Variants in DNAH2 observed in about 807,000 individuals in gnomAD.
The protein encoded by DNAH2 is axonemal beta dynein heavy chain 2.
DNAH2 carries 323 observed loss-of-function variants against 523.5 expected under a neutral mutation model. The observed-to-expected ratio is 0.62, with a 90% CI of 0.56 to 0.68. DNAH2 has a LOEUF of 0.68. Among genes scored for constraint, DNAH2 ranks in the 30% least tolerant of loss-of-function variants. The probability of loss-of-function intolerance (pLI) is 0.00; values close to 1 mark genes in which losing one functional copy is unlikely to be tolerated. For synonymous variants in DNAH2, 2,093 were observed against 2,177.4 expected (o/e 0.96, Z 1.08); for missense variants, 4,907 against 5,701.5 (o/e 0.86, Z 4.49).
rs780686310 is a variant in DNAH2, at chr17:7,788,116, G to A, written c.6772G>A (p.Glu2258Lys). ...GGTGGAGCCCCTTCAACGCATGTTCGAAAAGCTCATCAACAAGATGCTGGC... is the reference window on the plus strand; with the variant it reads ...GGTGGAGCCCCTTCAACGCATGTTCAAAAAGCTCATCAACAAGATGCTGGC... ...AEVEPLQRMF[E>K]KLINKMLAFK... The change falls in exon 44 of 86, where the codon GAA becomes AAA. Residue 2258 changes from glutamate (E) to lysine (K), a missense_variant. Coordinates refer to ENST00000572933, the MANE Select transcript of DNAH2 (RefSeq NM_020877.5). 19 of 1,614,104 alleles carry A rather than the reference G, an allele frequency of 1.2e-5. No homozygotes were observed. The highest frequency in any genetic ancestry group is 1.6e-4 in the Middle Eastern group (1 of 6,082).
rs1008035664 is a variant in DNAH2, at chr17:7,757,003, T to C, written c.1905-88T>C. 22 of 1,565,364 alleles carry C rather than the reference T, an allele frequency of 1.4e-5. No homozygotes were observed. In the Admixed American group the frequency reaches 3.8e-4, roughly 27 times the overall value. ...CATTTCTCATCTCGACATTTCCCTG[T>C]GCTTCCCAGCCTCTCCACCTGTTCG... is the stretch of plus-strand genomic sequence containing the variant. On this transcript the variant is annotated intron_variant, in intron 12 of 85. Transcript: ENST00000572933.
Position 7,780,910 on chromosome 17 carries a change from CGT to C in DNAH2, c.6004-129_6004-128del. 6.3e-7 allele frequency: 1 copy of C among 1,578,638 alleles called. No homozygotes were observed. The highest frequency in any genetic ancestry group is 8.6e-7 in the Non-Finnish European group (1 of 1,158,470). ...TCACCTTCCCACCTCGTCCCATCCC[CGT>C]GTTGCCCGCTGCTTTGCTAATGGCT... On this transcript the variant is annotated intron_variant, in intron 38 of 85. Coordinates refer to ENST00000572933, the MANE Select transcript of DNAH2 (RefSeq NM_020877.5). The surrounding 1 kb of genome is among the most constrained non-coding windows in gnomAD (Gnocchi z 4.4).
At chr17:7,824,820 T>C (rs540886566) in intron 77 of DNAH2, 93 bp downstream of exon 77, 3 of 1,132,646 alleles carry the variant, frequency 2.6e-6, no homozygotes, top group Non-Finnish European at 3.6e-6. Flanking sequence ...AACAACAACA[T>C]GATTTGATTG....
At chr17:7,822,018 G>A (rs970738716) in intron 73 of DNAH2, among the ~76,000 whole-genome samples, 2 of 152,112 alleles carry the variant, frequency 1.3e-5, no homozygotes, top group African/African-American at 4.8e-5. Flanking sequence ...CACTGTGGCT[G>A]GACCGCAGTG....
intron 63 of DNAH2, among the ~76,000 whole-genome samples, chr17:7,816,332 A>G (rs1171318583): frequency 6.6e-6 from 1 of 152,180 alleles, no homozygotes; most frequent in Admixed American, 6.5e-5. Flanking sequence ...GGCTCTAGGA[A>G]AGGGTGGTGG....
Position 7,754,931 on chromosome 17 carries a change from C to T in DNAH2, c.1905-2160C>T, listed in dbSNP as rs1307307240. On this transcript the variant is annotated intron_variant, in intron 12 of 85. Coordinates refer to ENST00000572933, the MANE Select transcript of DNAH2 (RefSeq NM_020877.5). The surrounding 1 kb of genome is among the most constrained non-coding windows in gnomAD (Gnocchi z 4.6). ...GCTGCCGTCTGCATGGGGCTGGGGTCCTCCTGCGCTATTGGTACAAATAAG... is the reference window on the plus strand; with the variant it reads ...GCTGCCGTCTGCATGGGGCTGGGGTTCTCCTGCGCTATTGGTACAAATAAG... 4.0e-6 allele frequency: 2 copies of T among 495,718 alleles called. No homozygotes were observed. The highest frequency in any genetic ancestry group is 1.9e-5 in the African/African-American group (1 of 51,914). The allele number at this position is 495,718 out of a possible 1,614,324, so 30.7% of individuals were successfully genotyped here.
intron 44 of DNAH2, among the ~76,000 whole-genome samples, 197 bp from the exon 45 acceptor site, chr17:7,791,720 C>T (rs1194485182): frequency 6.6e-6 from 1 of 152,136 alleles, no homozygotes; most frequent in African/African-American, 2.4e-5. Flanking sequence ...AACTGCTGAG[C>T]TATAAGAAAT....
chr17:7,826,791 C>T (rs757633855), intron 77 of DNAH2, among the ~76,000 whole-genome samples: 69 of 151,836 alleles, frequency 4.5e-4, no homozygotes, highest in Non-Finnish European at 1.6e-4. Context: ...TGCCTACTCT[C>T]GGCCTCCCAA....
rs747212103 is a variant in DNAH2, at chr17:7,741,007, T to C, written c.1689+15T>C. 10 of 1,584,212 alleles carry C rather than the reference T, an allele frequency of 6.3e-6. No homozygotes were observed. The highest frequency in any genetic ancestry group is 2.2e-5 in the South Asian group (2 of 89,500). On this transcript the variant is annotated intron_variant, in intron 11 of 85. Coordinates refer to ENST00000572933, the MANE Select transcript of DNAH2 (RefSeq NM_020877.5). Reference sequence around the variant, plus strand: ...GAGTCATGACCGTAAGTGCCTGGCCTTCTCCATATTCTGTCGTCAGTGAGA... The same window carrying C: ...GAGTCATGACCGTAAGTGCCTGGCCCTCTCCATATTCTGTCGTCAGTGAGA...
At chr17:7,791,065 GTTTTTTGTTTTT>G (rs1597668867) in intron 44 of DNAH2, among the ~76,000 whole-genome samples, 1 of 151,206 alleles carries the variant, frequency 6.6e-6, no homozygotes, top group Non-Finnish European at 1.5e-5. Flanking sequence ...TAGAAAATAT[GTTTTTTGTTTTT>G]TTTTTTGTTT....
At chr17:7,816,761 T>C (rs371239199) in intron 64 of DNAH2, 26 bp downstream of exon 64, 4 of 1,607,690 alleles carry the variant, frequency 2.5e-6, no homozygotes, top group African/African-American at 2.7e-5. Flanking sequence ...CTACCTGGTG[T>C]CCTTTCACTC....
intron 78 of DNAH2, 47 bp downstream of exon 78, chr17:7,830,538 G>A (rs764641356): frequency 5.0e-6 from 8 of 1,607,320 alleles, no homozygotes; most frequent in South Asian, 2.2e-5. Context: ...CTCCTTACAC[G>A]TCCTACCCCA....
At position 7,830,842 on chromosome 17, in the gene DNAH2, G is replaced by A. The variant is rs868704231; in HGVS notation, c.12230G>A (p.Arg4077Gln). The A allele has an allele frequency of 4.3e-6, 7 of 1,613,792 alleles. No individual in the cohort carries two copies. Among genetic ancestry groups the A allele is most frequent in the African/African-American group, 1.3e-5 (1 of 74,922 alleles). ...CAGTCTCTATCAACTCCCTTCCACC[G>A]GTGAGGGGGAGGTGGCCCTGGACAG... ...CDQSLSTPFH[R>Q]LSALETYFIP... The change falls in exon 79 of 86, where the codon CGG becomes CAG. Residue 4077 changes from arginine to glutamine, a missense_variant and splice_region_variant. Arg to Gln is a conservative substitution (Grantham distance 43). Transcript: ENST00000572933.
At chr17:7,739,098 G>A in intron 8 of DNAH2, 1 of 674,606 alleles carries the variant, frequency 1.5e-6, no homozygotes. Flanking sequence ...AGGGCAAACG[G>A]GGCAGAGGCT....
chr17:7,741,081 T>C, intron 11 of DNAH2, 89 bp downstream of exon 11: 2 of 1,480,182 alleles, frequency 1.4e-6, no homozygotes, highest in Admixed American at 4.1e-5. Context: ...CCAAAGAGTC[T>C]TCAGGACCAG....
chr17:7,786,390 A>G lies in DNAH2; in HGVS notation c.6348+48A>G, dbSNP rs201018979. On this transcript the variant is annotated intron_variant, in intron 40 of 85. Coordinates refer to ENST00000572933, the MANE Select transcript of DNAH2 (RefSeq NM_020877.5). This position sits in a 1 kb window ranked among gnomAD's most constrained non-coding sequence, Gnocchi z 7.5. ...TCAGTGGGCAGAGACTTGAGTAGTA[A>G]GAAGACAATGGAGGGTGGGGGCCAG... 2 of 1,586,214 alleles carry G rather than the reference A, an allele frequency of 1.3e-6. No homozygotes were observed. Among genetic ancestry groups the G allele is most frequent in the Non-Finnish European group, 1.7e-6 (2 of 1,167,262 alleles).
chr17:7,805,384 A>G lies in DNAH2; in HGVS notation c.9433A>G (p.Arg3145Gly). The G allele has an allele frequency of 1.2e-6, 2 of 1,614,242 alleles. No individual in the cohort carries two copies. The highest frequency in any genetic ancestry group is 1.7e-6 in the Non-Finnish European group (2 of 1,180,042). The change falls in exon 61 of 86, where the codon AGG (arginine) becomes GGG (glycine). Residue 3145 changes from arginine (R) to glycine (G), a missense_variant. Transcript: ENST00000572933. ...GNEPTWAEAKRQLGEQNFIKS... is the reference protein window; with the variant it reads ...GNEPTWAEAKGQLGEQNFIKS... ...CGAGCCCACATGGGCAGAGGCCAAG[A>G]GGCAGCTAGGTAAGCTAGAGACAAT...
chr17:7,813,753 C>A (rs889203708), intron 63 of DNAH2, among the ~76,000 whole-genome samples: 6 of 151,818 alleles, frequency 4.0e-5, no homozygotes, highest in African/African-American at 1.5e-4. Context: ...ACTAGAAATA[C>A]AAAAATTAGC....
intron 11 of DNAH2, among the ~76,000 whole-genome samples, chr17:7,742,451 T>C (rs928719729): frequency 9.2e-5 from 14 of 151,990 alleles, no homozygotes. Flanking sequence ...AACAAACAAA[T>C]GAACACACAC....
Sources: gnomAD v4.1 joint callset for allele counts (sites outside exome capture counted in the v4.1 genomes callset) on GRCh38, gnomAD v4.1.1 for gene constraint, Gnocchi (gnomAD v3.1) non-coding constraint, MANE v1.5 for transcripts, NCBI Gene and HGNC (gene_info 2026-07-23, HGNC 2026-07-21) for gene names.